ANKS6: variants seen among roughly 807,000 people sequenced by gnomAD.
ANKS6 encodes the protein ankyrin repeat and SAM domain-containing protein 6.
Under a neutral mutation model 77.9 loss-of-function variants are expected in ANKS6, and 47 were observed. That is an observed-to-expected ratio of 0.60 (90% CI 0.48 to 0.77). ANKS6 has a LOEUF of 0.77. Among genes scored for constraint, ANKS6 ranks in the 30% least tolerant of loss-of-function variants. The pLI, the probability that ANKS6 is intolerant of heterozygous loss-of-function variation, is 0.00. For synonymous variants in ANKS6, 488 were observed against 501.7 expected (o/e 0.97, Z 0.37); for missense variants, 1,150 against 1,159.1 (o/e 0.99, Z 0.11).
At chr9:98,779,762 C>T (rs1834131008) in intron 6 of ANKS6, among the ~76,000 whole-genome samples, 1 of 152,058 alleles carries the variant, frequency 6.6e-6, no homozygotes, top group African/African-American at 2.4e-5. Context: ...CTCCCGGGTT[C>T]ACGCCATTCT....
At chr9:98,747,163 T>C (rs1472646101) in intron 13 of ANKS6, among the ~76,000 whole-genome samples, 2 of 152,274 alleles carry the variant, frequency 1.3e-5, no homozygotes, top group Admixed American at 6.5e-5. Flanking sequence ...TTTAGAGATA[T>C]GCTACTGTCA....
intron 1 of ANKS6, among the ~76,000 whole-genome samples, chr9:98,794,010 C>T (rs914451450): frequency 1.3e-5 from 2 of 150,240 alleles, no homozygotes; most frequent in East Asian, 4.0e-4. Context: ...AGTAGCTGGG[C>T]GTGGTGGCAC....
intron 2 of ANKS6, among the ~76,000 whole-genome samples, chr9:98,786,378 G>A (rs1834566753): frequency 6.7e-6 from 1 of 150,324 alleles, no homozygotes; most frequent in Non-Finnish European, 1.5e-5. Context: ...TGCAACCTCT[G>A]CCTCCCGGGT....
At chr9:98,758,294 T>C (rs182982114) in intron 11 of ANKS6, among the ~76,000 whole-genome samples, 147 of 151,084 alleles carry the variant, frequency 9.7e-4, no homozygotes, top group Middle Eastern at 3.4e-3. Flanking sequence ...TCGGGTTGGC[T>C]CCTGTACCCT....
intron 14 of ANKS6, among the ~76,000 whole-genome samples, chr9:98,743,595 C>T (rs1206797426): frequency 6.6e-6 from 1 of 152,218 alleles, no homozygotes; most frequent in Non-Finnish European, 1.5e-5. Context: ...TAAGCCAGCT[C>T]TCACAGCACC....
At chr9:98,792,333 GC>G (rs1432694400) in intron 1 of ANKS6, among the ~76,000 whole-genome samples, 1 of 151,962 alleles carries the variant, frequency 6.6e-6, no homozygotes, top group African/African-American at 2.4e-5. Context: ...CCACGGGCTC[GC>G]CTCTGGCTGC....
intron 2 of ANKS6, among the ~76,000 whole-genome samples, chr9:98,787,566 G>A (rs1010561554): frequency 2.0e-5 from 3 of 152,090 alleles, no homozygotes; most frequent in Admixed American, 1.3e-4. Context: ...GCCTCAGTAC[G>A]TCTTTGTAAA....
Position 98,774,020 on chromosome 9 carries a change from G to C in ANKS6, c.1678C>G (p.Pro560Ala). Reference protein sequence around the residue: ...PSDKLKAVIPPFLPPSSFELW... With the variant: ...PSDKLKAVIPAFLPPSSFELW... ...TCAAAACTGGAAGGGGGTAGGAATG[G>C]GGGGATGACTGCTTTCAGCTTGTCA... Residue 560 changes from proline (P) to alanine (A), a missense_variant, in exon 9 of 15, where the codon CCA becomes GCA. Coordinates refer to ENST00000353234, the MANE Select transcript of ANKS6 (RefSeq NM_173551.5). 1 of 1,570,608 alleles carries C rather than the reference G, an allele frequency of 6.4e-7. No homozygotes were observed. The highest frequency in any genetic ancestry group is 8.6e-7 in the Non-Finnish European group (1 of 1,159,838).
intron 2 of ANKS6, among the ~76,000 whole-genome samples, chr9:98,788,759 G>A (rs142805279): frequency 6.6e-6 from 1 of 152,162 alleles, no homozygotes. Context: ...GCAGGTGGGA[G>A]AATCACCTCT....
At chr9:98,748,059 A>C (rs1832237250) in intron 13 of ANKS6, among the ~76,000 whole-genome samples, 1 of 152,064 alleles carries the variant, frequency 6.6e-6, no homozygotes, top group African/African-American at 2.4e-5. Context: ...TCTGGCCCTC[A>C]TTTCATAGAC....
chr9:98,788,129 C>T (rs1834679957), intron 2 of ANKS6, among the ~76,000 whole-genome samples: 1 of 152,224 alleles, frequency 6.6e-6, no homozygotes, highest in Admixed American at 6.5e-5. Flanking sequence ...TGAGCCACTG[C>T]ATCTTGGGGA....
At chr9:98,769,875 C>T (rs1348481442) in intron 10 of ANKS6, among the ~76,000 whole-genome samples, 4 of 152,206 alleles carry the variant, frequency 2.6e-5, no homozygotes, top group East Asian at 3.9e-4. Context: ...AATTATTGTG[C>T]CTTTTTATAA....
chr9:98,736,537 G>A lies in ANKS6; in HGVS notation c.2598C>T (p.Gly866=). The A allele has an allele frequency of 6.2e-7, 1 of 1,612,392 alleles. No homozygotes were observed. The change falls in exon 15 of 15, where the codon GGC becomes GGT. Residue 866 remains glycine (G), a synonymous_variant. Coordinates refer to ENST00000353234, the MANE Select transcript of ANKS6 (RefSeq NM_173551.5). Reference sequence around the variant, plus strand: ...AGGAGGATCACGCACAGGGGCTGTTGCCAGGGGCCCTGGTGTTGCTGGCAC... The same window carrying A: ...AGGAGGATCACGCACAGGGGCTGTTACCAGGGGCCCTGGTGTTGCTGGCAC... The part of the protein sequence containing the change: ...ESSASNTRAP[G]NSPCA
At chr9:98,776,743 A>G (rs1339192233) in intron 8 of ANKS6, among the ~76,000 whole-genome samples, 1 of 151,946 alleles carries the variant, frequency 6.6e-6, no homozygotes, top group East Asian at 1.9e-4. Flanking sequence ...GCCCATGGCT[A>G]CCTCTTCTCC....
intron 14 of ANKS6, among the ~76,000 whole-genome samples, chr9:98,740,983 T>C (rs1339143043): frequency 3.9e-5 from 6 of 152,204 alleles, no homozygotes; most frequent in Non-Finnish European, 8.8e-5. Flanking sequence ...GTGGAACTGT[T>C]CACTGGCTCT....
At chr9:98,754,500 G>T (rs1832593499) in intron 12 of ANKS6, among the ~76,000 whole-genome samples, 1 of 152,078 alleles carries the variant, frequency 6.6e-6, no homozygotes, top group African/African-American at 2.4e-5. Context: ...TAATTAGCCA[G>T]GCGTGGTGGC....
intron 9 of ANKS6, among the ~76,000 whole-genome samples, chr9:98,771,939 C>G (rs1330276190): frequency 6.6e-6 from 1 of 152,166 alleles, no homozygotes; most frequent in Non-Finnish European, 1.5e-5. Context: ...TGTATGATGC[C>G]CCAGTGGACT....
rs557362366 is a variant in ANKS6 at position 98,752,933 on chromosome 9, C to T, written c.2327-1837G>A. Reference sequence around the variant, plus strand: ...CTGAGCGAGGATGTATGAGACAAATCAAATCCCAATCCACACATAATCTGT... The same window carrying T: ...CTGAGCGAGGATGTATGAGACAAATTAAATCCCAATCCACACATAATCTGT... On this transcript the variant is annotated intron_variant, in intron 12 of 14. Coordinates refer to ENST00000353234, the MANE Select transcript of ANKS6 (RefSeq NM_173551.5). 6.6e-5 allele frequency among the ~76,000 whole-genome samples: 10 copies of T among 152,264 alleles called. No homozygotes were observed. In the South Asian group the frequency reaches 2.1e-3, roughly 32 times the overall value.
At position 98,734,428 on chromosome 9, in the gene ANKS6, C is replaced by T; in HGVS notation, c.*2091G>A. On this transcript the variant is annotated 3_prime_UTR_variant, in exon 15 of 15. Transcript: ENST00000353234. ...TGTTATGAAAAAAACAGGACCACAG[C>T]AAAAAGCAGGCACAAAACCTCAAAG... 1 of 985,444 alleles carries T rather than the reference C, an allele frequency of 1.0e-6. No homozygotes were observed. Among genetic ancestry groups the T allele is most frequent in the Non-Finnish European group, 1.2e-6 (1 of 829,976 alleles). 61.0% of individuals were successfully genotyped at this position (985,444 alleles called of 1,614,324 possible). A position where few individuals can be genotyped will look rare whatever the true frequency, so the allele number is the denominator to read the frequency against.
Sources: gnomAD v4.1 joint callset for allele counts (sites outside exome capture counted in the v4.1 genomes callset) on GRCh38, gnomAD v4.1.1 for gene constraint, MANE v1.5 for transcripts, NCBI Gene and HGNC (gene_info 2026-07-23, HGNC 2026-07-21) for gene names.